The following CAST variants were observed in gnomAD, a reference collection of about 807,000 sequenced individuals.
The protein encoded by CAST is MIR583 host.
A neutral mutation model predicts 119.6 loss-of-function variants in CAST; 76 were observed. The observed-to-expected ratio is 0.64, with a 90% CI of 0.53 to 0.77. The LOEUF (loss-of-function observed/expected upper bound fraction) is 0.77. Ranked by LOEUF, CAST falls within the 30% of genes least tolerant of loss-of-function variation. The pLI is 0.00. For synonymous variants in CAST, 319 were observed against 331.6 expected (o/e 0.96, Z 0.41); for missense variants, 953 against 946.5 (o/e 1.01, Z -0.09).
chr5:96,067,675 T>C, the CAST span, among the ~76,000 whole-genome samples: 1 of 152,168 alleles, frequency 6.6e-6, no homozygotes, highest in Non-Finnish European at 1.5e-5. Context: ...ACAATCAGCC[T>C]CCTTTCCCTC....
Position 96,697,092 on chromosome 5 carries a change from C to T in CAST, c.210+1185C>T, listed in dbSNP as rs376999015. On this transcript the variant is annotated intron_variant, in intron 3 of 31. Coordinates refer to ENST00000675179, the MANE Select transcript of CAST (RefSeq NM_001750.7). ...CTGAGGCAGGAGAATGGCTTGAACC[C>T]GGGAGGCACAGGTTGCAGTGAGCCG... 8.0e-5 allele frequency among the ~76,000 whole-genome samples: 12 copies of T among 149,164 alleles called. 1 individual carries two copies. Among genetic ancestry groups the T allele is most frequent in the African/African-American group, 3.0e-4 (12 of 40,386 alleles).
Position 96,605,751 on chromosome 5 carries a change from G to A in CAST, c.61-69788G>A, listed in dbSNP as rs1747242034. On this transcript the variant is annotated intron_variant, in intron 1 of 11. Coordinates refer to the CAST transcript ENST00000505143. ...CTATCTTATTTCATAAGGTAAAGTG[G>A]GTATTTTGTTAATAAGAAATCATTA... is the stretch of plus-strand genomic sequence containing the variant. Among the ~76,000 whole-genome samples the A allele has an allele frequency of 4.6e-5, 7 of 152,178 alleles. 1 individual carries two copies. In the South Asian group the frequency reaches 1.5e-3, roughly 32 times the overall value.
chr5:96,586,361 C>T (rs1465962190), intron 1 of CAST, among the ~76,000 whole-genome samples: 2 of 152,298 alleles, frequency 1.3e-5, no homozygotes, highest in East Asian at 1.9e-4. Context: ...TTTCAATGGG[C>T]TGTATCATAT....
the CAST span, among the ~76,000 whole-genome samples, chr5:96,465,458 A>G: frequency 6.6e-6 from 1 of 152,096 alleles, no homozygotes; most frequent in African/African-American, 2.4e-5. Context: ...TTGGTGGAAG[A>G]CAACCTGTCT....
the CAST span, among the ~76,000 whole-genome samples, chr5:96,514,631 C>G: frequency 6.6e-6 from 1 of 152,078 alleles, no homozygotes; most frequent in African/African-American, 2.4e-5. Flanking sequence ...CACCCTTAAC[C>G]CAGCACTCCC....
chr5:96,064,575 C>T, the CAST span, among the ~76,000 whole-genome samples: 1 of 151,868 alleles, frequency 6.6e-6, no homozygotes, highest in Non-Finnish European at 1.5e-5. Flanking sequence ...GTGCCTAAAC[C>T]CTGACCATGA....
the CAST span, among the ~76,000 whole-genome samples, chr5:96,431,090 A>G: frequency 3.3e-5 from 5 of 152,196 alleles, no homozygotes; most frequent in Non-Finnish European, 5.9e-5. Flanking sequence ...GGAATACACA[A>G]TTAAATCCCC....
intron 1 of CAST, among the ~76,000 whole-genome samples, chr5:96,647,340 T>C (rs1051368048): frequency 1.1e-4 from 17 of 152,242 alleles, no homozygotes; most frequent in Non-Finnish European, 1.3e-4. Flanking sequence ...AGTACAGTTC[T>C]GTGGTAAAAA....
At chr5:95,961,522 G>T in the CAST span, 12 of 1,469,550 alleles carry the variant, frequency 8.2e-6, no homozygotes, top group Non-Finnish European at 9.0e-6. Context: ...CGGCCAGGCC[G>T]TGAGGGGTGC....
At chr5:96,413,580 A>T in the CAST span, among the ~76,000 whole-genome samples, 7 of 152,120 alleles carry the variant, frequency 4.6e-5, no homozygotes, top group East Asian at 1.4e-3. Flanking sequence ...TGGGTGGATC[A>T]CTTGAGGCCA....
chr5:96,422,866 G>T, the CAST span, among the ~76,000 whole-genome samples: 1 of 149,870 alleles, frequency 6.7e-6, no homozygotes, highest in Admixed American at 6.6e-5. Context: ...TAGGTGCATT[G>T]TGTGGTATTC....
At chr5:96,392,860 G>A in the CAST span, 17 of 847,242 alleles carry the variant, frequency 2.0e-5, no homozygotes, top group South Asian at 2.5e-4. Context: ...CACATGTACA[G>A]TTTAGGGAGA....
At chr5:96,447,589 A>G in the CAST span, among the ~76,000 whole-genome samples, 1 of 152,220 alleles carries the variant, frequency 6.6e-6, no homozygotes, top group African/African-American at 2.4e-5. Context: ...AAATTGCCTG[A>G]GTTTAAAATG....
At chr5:96,519,355 G>A in the CAST span, among the ~76,000 whole-genome samples, 1 of 152,182 alleles carries the variant, frequency 6.6e-6, no homozygotes, top group Non-Finnish European at 1.5e-5. Context: ...GCAGCTGGTG[G>A]TTCATTTTGT....
the CAST span, among the ~76,000 whole-genome samples, chr5:96,487,038 C>G: frequency 4.6e-5 from 7 of 152,218 alleles, no homozygotes; most frequent in African/African-American, 1.7e-4. Flanking sequence ...CTCCTTCCCC[C>G]CATGGGGCAG....
At chr5:96,159,508 A>G in the CAST span, among the ~76,000 whole-genome samples, 10,213 of 152,264 alleles carry the variant, frequency 0.067, 590 homozygotes, top group East Asian at 0.25. Flanking sequence ...CCTTCACCCC[A>G]TCTTGAGGAA....
chr5:96,362,819 G>A, the CAST span, among the ~76,000 whole-genome samples: 2 of 152,130 alleles, frequency 1.3e-5, no homozygotes, highest in Admixed American at 1.3e-4. Flanking sequence ...CTTTTGCTGT[G>A]CAGAAGCTCT....
the CAST span, among the ~76,000 whole-genome samples, chr5:96,490,369 T>TGTGA: frequency 6.6e-6 from 1 of 151,740 alleles, no homozygotes; most frequent in African/African-American, 2.4e-5. Flanking sequence ...TGTGTGTGTG[T>TGTGA]GTGTGTGTGT....
the CAST span, among the ~76,000 whole-genome samples, chr5:96,416,522 T>G: frequency 2.0e-5 from 3 of 152,226 alleles, no homozygotes; most frequent in Non-Finnish European, 4.4e-5. Flanking sequence ...GGCTTCTGCT[T>G]TGTACTTTTT....
Sources: gnomAD v4.1 joint callset for allele counts (sites outside exome capture counted in the v4.1 genomes callset) on GRCh38, gnomAD v4.1.1 for gene constraint, MANE v1.5 for transcripts, NCBI Gene and HGNC (gene_info 2026-07-23, HGNC 2026-07-21) for gene names.